Variants in ROBO2 observed in about 807,000 individuals in gnomAD.
ROBO2 encodes roundabout guidance receptor 2.
A neutral mutation model predicts 160.8 loss-of-function variants in ROBO2; 53 were observed. The observed-to-expected ratio is 0.33, with a 90% CI of 0.26 to 0.41. The LOEUF is 0.41. Among genes scored for constraint, ROBO2 ranks in the 10% least tolerant of loss-of-function variants. The pLI is 1.00. For missense variants in ROBO2, 1,577 were observed against 1,722.4 expected (o/e 0.92, Z 1.49); for synonymous variants, 664 against 611.7 (o/e 1.09, Z -1.26).
intron 2 of ROBO2, among the ~76,000 whole-genome samples, chr3:75,978,267 T>G (rs1401117269): frequency 6.6e-6 from 1 of 151,548 alleles, no homozygotes; most frequent in Non-Finnish European, 1.5e-5. Flanking sequence ...AATACACTAA[T>G]GGGCTCTCCT....
intron 2 of ROBO2, among the ~76,000 whole-genome samples, chr3:75,969,378 G>T (rs1235835817): frequency 1.3e-5 from 2 of 150,820 alleles, no homozygotes; most frequent in Non-Finnish European, 3.0e-5. Context: ...AATAAACACG[G>T]GAATACAGAT....
intron 2 of ROBO2, among the ~76,000 whole-genome samples, chr3:75,984,502 A>G (rs1280361672): frequency 6.6e-6 from 1 of 151,552 alleles, no homozygotes; most frequent in Admixed American, 6.6e-5. Context: ...ACTCAGTACT[A>G]TGAGATAAGC....
intron 5 of ROBO2, among the ~76,000 whole-genome samples, chr3:77,515,264 A>G (rs1401743518): frequency 1.3e-5 from 2 of 151,694 alleles, no homozygotes; most frequent in Non-Finnish European, 2.9e-5. Context: ...AGCGACTGCC[A>G]TAGTGGGTCG....
intron 4 of ROBO2, among the ~76,000 whole-genome samples, chr3:77,489,240 C>T (rs1412663547): frequency 6.6e-6 from 1 of 152,094 alleles, no homozygotes; most frequent in Non-Finnish European, 1.5e-5. Context: ...TTATTCTTTG[C>T]CTTTGTTTTG....
chr3:76,332,783 A>C (rs1391010533), intron 2 of ROBO2, among the ~76,000 whole-genome samples: 1 of 152,230 alleles, frequency 6.6e-6, no homozygotes, highest in Non-Finnish European at 1.5e-5. Flanking sequence ...AGTGCATTCC[A>C]GATGATTCAT....
chr3:76,260,078 C>T lies in ROBO2; in HGVS notation c.109+322476C>T, dbSNP rs151027715. 3.7e-4 allele frequency among the ~76,000 whole-genome samples: 56 copies of T among 152,234 alleles called. No homozygotes were observed. The East Asian group carries it at 0.011, about 29-fold the overall frequency. ...TAAAAAAGTCCAGACCTAGACAACA[C>T]ATTTGTCAGTTTTTATGTAAAGCTG... is the stretch of plus-strand genomic sequence containing the variant. On this transcript the variant is annotated intron_variant, in intron 2 of 26. Transcript: ENST00000487694.
At chr3:77,256,804 C>G (rs974745868) in intron 2 of ROBO2, among the ~76,000 whole-genome samples, 9 of 152,198 alleles carry the variant, frequency 5.9e-5, no homozygotes, top group Non-Finnish European at 1.2e-4. Flanking sequence ...CCGTCTTTCT[C>G]TCAATAATTT....
intron 2 of ROBO2, among the ~76,000 whole-genome samples, chr3:76,225,853 CA>C (rs1161790452): frequency 1.3e-5 from 2 of 151,974 alleles, no homozygotes; most frequent in Non-Finnish European, 2.9e-5. Flanking sequence ...TTTCAAATAC[CA>C]AAAAACTCTA....
chr3:76,104,342 T>C (rs2069830785), intron 2 of ROBO2, among the ~76,000 whole-genome samples: 1 of 152,116 alleles, frequency 6.6e-6, no homozygotes, highest in African/African-American at 2.4e-5. Flanking sequence ...AAGCCAGTGA[T>C]CTTAGGAAGT....
intron 2 of ROBO2, among the ~76,000 whole-genome samples, chr3:76,220,934 G>C (rs1449369474): frequency 6.6e-6 from 1 of 152,094 alleles, no homozygotes; most frequent in Non-Finnish European, 1.5e-5. Flanking sequence ...CTTGCAGGGT[G>C]GTCACAACTA....
At chr3:77,017,807 G>A (rs1157027791) in intron 2 of ROBO2, among the ~76,000 whole-genome samples, 1 of 151,968 alleles carries the variant, frequency 6.6e-6, no homozygotes, top group East Asian at 1.9e-4. Flanking sequence ...TGGGCATAAG[G>A]TTGCATCATC....
At chr3:77,176,477 A>G (rs905299447) in intron 2 of ROBO2, among the ~76,000 whole-genome samples, 3 of 152,022 alleles carry the variant, frequency 2.0e-5, no homozygotes, top group African/African-American at 7.2e-5. Context: ...AGGTGTTCAC[A>G]TATGTTTAAA....
intron 2 of ROBO2, among the ~76,000 whole-genome samples, chr3:77,012,008 T>C (rs1425870937): frequency 2.6e-5 from 4 of 152,148 alleles, no homozygotes; most frequent in African/African-American, 9.7e-5. Context: ...AAAATGAATA[T>C]GTATATGTTC....
At chr3:76,364,901 A>G (rs1221846374) in intron 2 of ROBO2, among the ~76,000 whole-genome samples, 2 of 152,088 alleles carry the variant, frequency 1.3e-5, no homozygotes, top group African/African-American at 4.8e-5. Flanking sequence ...TTTGCATCTC[A>G]TCTGATTCTA....
intron 2 of ROBO2, among the ~76,000 whole-genome samples, chr3:77,447,073 T>C (rs1422811188): frequency 6.6e-6 from 1 of 152,078 alleles, no homozygotes; most frequent in Non-Finnish European, 1.5e-5. Context: ...AAAAATGAGA[T>C]CAGAGTTTGA....
intron 2 of ROBO2, among the ~76,000 whole-genome samples, chr3:76,721,229 G>T (rs751252850): frequency 2.0e-5 from 3 of 151,938 alleles, no homozygotes; most frequent in Non-Finnish European, 4.4e-5. Context: ...TTTTTACAAA[G>T]TTTCCTAACT....
intron 2 of ROBO2, among the ~76,000 whole-genome samples, chr3:77,318,350 G>A (rs1024743581): frequency 1.3e-5 from 2 of 152,106 alleles, no homozygotes; most frequent in African/African-American, 4.8e-5. Context: ...GTAGTTTTAT[G>A]ACTGATCACC....
intron 2 of ROBO2, among the ~76,000 whole-genome samples, chr3:76,507,391 T>C (rs1017006789): frequency 6.6e-6 from 1 of 152,090 alleles, no homozygotes; most frequent in African/African-American, 2.4e-5. Flanking sequence ...AAATATGAAC[T>C]TATGAGTTCT....
chr3:76,045,790 C>T (rs1191600541), intron 2 of ROBO2, among the ~76,000 whole-genome samples: 1 of 152,010 alleles, frequency 6.6e-6, no homozygotes, highest in Non-Finnish European at 1.5e-5. Context: ...CACTCTGTAG[C>T]TGGTGGTGGT....
Sources: gnomAD v4.1 joint callset for allele counts (sites outside exome capture counted in the v4.1 genomes callset) on GRCh38, gnomAD v4.1.1 for gene constraint, MANE v1.5 for transcripts, NCBI Gene and HGNC (gene_info 2026-07-23, HGNC 2026-07-21) for gene names.